The following AHNAK variants were observed in gnomAD, a reference collection of about 807,000 sequenced individuals.
AHNAK encodes neuroblast differentiation-associated protein AHNAK.
AHNAK carries 23 observed loss-of-function variants against 37.8 expected under a neutral mutation model. That is an observed-to-expected ratio of 0.61 (90% confidence interval 0.44 to 0.86). The LOEUF (loss-of-function observed/expected upper bound fraction) is 0.86, where lower values mean the gene tolerates loss of function less well. Among genes scored for constraint, AHNAK ranks in the 40% least tolerant of loss-of-function variants. AHNAK has a pLI of 0.00. For synonymous variants in AHNAK, 2,481 were observed against 2,636.3 expected, an observed-to-expected ratio of 0.94 and a Z score of 1.80; for missense variants, 7,411 against 7,319.4, an observed-to-expected ratio of 1.01 and a Z score of -0.46.
In AHNAK at chr11:62,529,586, G is replaced by T. The variant is rs1211107308; in HGVS notation, c.4831C>A (p.Pro1611Thr). 6.2e-7 allele frequency: 1 copy of T among 1,614,032 alleles called. No homozygotes were observed. The highest frequency in any genetic ancestry group is 1.7e-5 in the Admixed American group (1 of 59,994). Residue 1611 changes from proline (P) to threonine (T), a missense_variant, in exon 5 of 5, where the codon CCT (proline) becomes ACT (threonine). Transcript: ENST00000378024. ...LPKVEGDLKG[P>T]EIDVKAPKMD... The stretch of plus-strand genomic sequence containing the variant: ...TTAGGGGCTTTCACATCAATTTCAG[G>T]ACCCTTCAAGTCTCCTTCCACTTTG...
intron 4 of AHNAK, among the ~76,000 whole-genome samples, chr11:62,501,404 TA>T (rs898271551): frequency 2.7e-4 from 41 of 151,984 alleles, no homozygotes; most frequent in African/African-American, 9.4e-4. Flanking sequence ...CCATCTCTAC[TA>T]AAATACAAAA....
chr11:62,491,896 A>G (rs1939510694), intron 4 of AHNAK: 1 of 1,424,312 alleles, frequency 7.0e-7, no homozygotes, highest in Admixed American at 2.0e-5. Context: ...GCACTTTTCA[A>G]ATGCCTACTA....
At chr11:62,488,239 C>G (rs957710687) in intron 5 of AHNAK, among the ~76,000 whole-genome samples, 1 of 152,160 alleles carries the variant, frequency 6.6e-6, no homozygotes, top group African/African-American at 2.4e-5. Flanking sequence ...CCCTTGAAAT[C>G]CCGAGACATT....
At chr11:62,464,720 A>G (rs1186404644) in intron 5 of AHNAK, among the ~76,000 whole-genome samples, 1 of 151,806 alleles carries the variant, frequency 6.6e-6, no homozygotes, top group African/African-American at 2.4e-5. Context: ...AGTCCCAGCT[A>G]TTTGAGAGGC....
chr11:62,504,786 C>A (rs1939778851), intron 4 of AHNAK, among the ~76,000 whole-genome samples: 1 of 152,118 alleles, frequency 6.6e-6, no homozygotes, highest in Admixed American at 6.6e-5. Flanking sequence ...CTGCCCCCTG[C>A]AGCCCAGCAT....
In AHNAK at chr11:62,517,568, G is replaced by A. The variant is rs1469535807; in HGVS notation, c.16849C>T (p.Leu5617Phe). The change falls in exon 5 of 5, where the codon CTT (leucine) becomes TTT (phenylalanine). Residue 5617 changes from leucine to phenylalanine, a missense_variant. Leu to Phe is a conservative substitution (Grantham distance 22). Coordinates refer to ENST00000378024, the MANE Select transcript of AHNAK (RefSeq NM_001620.3). The part of the protein sequence containing the change: ...NLDTSKFAGG[L>F]HFSGPKVEGG... Reference sequence around the variant, plus strand: ...TCCACCTTTGGTCCTGAGAAATGAAGGCCCCCAGCAAACTTAGATGTGTCC... The same window carrying A: ...TCCACCTTTGGTCCTGAGAAATGAAAGCCCCCAGCAAACTTAGATGTGTCC... 3 of 1,614,022 alleles carry A rather than the reference G, an allele frequency of 1.9e-6. No homozygotes were observed. In the East Asian group the frequency reaches 6.7e-5, roughly 36 times the overall value.
At chr11:62,445,007 G>C (rs1938394739) in intron 5 of AHNAK, among the ~76,000 whole-genome samples, 1 of 152,176 alleles carries the variant, frequency 6.6e-6, no homozygotes, top group Non-Finnish European at 1.5e-5. Flanking sequence ...GACGTGCATG[G>C]AGCCCTCCTT....
At chr11:62,461,644 C>T (rs1938790945) in intron 5 of AHNAK, among the ~76,000 whole-genome samples, 1 of 151,964 alleles carries the variant, frequency 6.6e-6, no homozygotes, top group Non-Finnish European at 1.5e-5. Flanking sequence ...GGCCAGCATA[C>T]TGAAACCCCA....
rs532219306 is a variant in AHNAK at position 62,522,041 on chromosome 11, C to T, written c.12376G>A (p.Ala4126Thr). The change falls in exon 5 of 5, where the codon GCA becomes ACA. Residue 4126 changes from alanine (A) to threonine (T), a missense_variant. Coordinates refer to ENST00000378024, the MANE Select transcript of AHNAK (RefSeq NM_001620.3). ...ACTTCAGGCATAGAGATCTTCGGTGCCTTGAGGTGCAGGTCAGGCATTTTA... is the reference window on the plus strand; with the variant it reads ...ACTTCAGGCATAGAGATCTTCGGTGTCTTGAGGTGCAGGTCAGGCATTTTA... ...KFKMPDLHLK[A>T]PKISMPEVDL... 1.9e-6 allele frequency: 3 copies of T among 1,614,042 alleles called. No homozygotes were observed. Among genetic ancestry groups the T allele is most frequent in the East Asian group, 2.2e-5 (1 of 44,872 alleles).
intron 5 of AHNAK, among the ~76,000 whole-genome samples, chr11:62,457,187 G>A (rs935854826): frequency 1.3e-5 from 2 of 151,946 alleles, no homozygotes; most frequent in African/African-American, 2.4e-5. Flanking sequence ...TGCCGGGCAC[G>A]GTGTAATCCC....
At position 62,529,728 on chromosome 11, in the gene AHNAK, T is replaced by G; in HGVS notation, c.4689A>C (p.Lys1563Asn). The G allele has an allele frequency of 6.2e-7, 1 of 1,614,070 alleles. No individual in the cohort carries two copies. The highest frequency in any genetic ancestry group is 1.3e-5 in the African/African-American group (1 of 75,038). The change falls in exon 5 of 5, where the codon AAA becomes AAC. Residue 1563 changes from lysine (K) to asparagine (N), a missense_variant. Physicochemically the swap from Lys to Asn is moderately conservative, Grantham distance 94. Transcript: ENST00000378024. The stretch of plus-strand genomic sequence containing the variant: ...TGCTTGGCATCTTGAACTTAGGGCC[T>G]TTTAGTTTCCCCTCTGGAGCTTCAA... ...VNLEAPEGKL[K>N]GPKFKMPSMN...
chr11:62,504,047 G>A (rs1040084920), intron 4 of AHNAK, among the ~76,000 whole-genome samples: 3 of 152,008 alleles, frequency 2.0e-5, no homozygotes, highest in Admixed American at 6.6e-5. Context: ...TGTAATCCCA[G>A]CTACTAGGGA....
rs583207 is a variant in AHNAK at position 62,525,177 on chromosome 11, T to C, written c.9240A>G (p.Lys3080=). 187 of 1,598,898 alleles carry C rather than the reference T, an allele frequency of 1.2e-4. No individual in the cohort carries two copies. The highest frequency in any genetic ancestry group is 3.1e-4 in the African/African-American group (22 of 70,128). The part of the protein sequence containing the change: ...PEGKLKGPKF[K]MPEMNIKAPK... The stretch of plus-strand genomic sequence containing the variant: ...GGGCTTTGATGTTCATCTCAGGCAT[T>C]TTGAATTTGGGACCTTTCAACTTTC... Residue 3080 remains lysine, a synonymous_variant, in exon 5 of 5, where the codon AAA becomes AAG. Transcript: ENST00000378024.
chr11:62,501,293 G>C (rs1032405672), intron 4 of AHNAK, among the ~76,000 whole-genome samples: 1 of 152,186 alleles, frequency 6.6e-6, no homozygotes, highest in Non-Finnish European at 1.5e-5. Context: ...TGCCTGCCAG[G>C]CACGGTGGCT....
chr11:62,499,872 A>G (rs963718057), intron 4 of AHNAK, among the ~76,000 whole-genome samples: 1 of 152,240 alleles, frequency 6.6e-6, no homozygotes, highest in African/African-American at 2.4e-5. Context: ...GGGAGATCAC[A>G]TCTCCCTTCA....
chr11:62,510,004 GTC>G (rs1185962898), intron 4 of AHNAK, among the ~76,000 whole-genome samples: 1 of 152,168 alleles, frequency 6.6e-6, no homozygotes, highest in African/African-American at 2.4e-5. Flanking sequence ...TAGATAATAT[GTC>G]AATGTTTTGT....
chr11:62,450,335 T>TTTG lies in AHNAK; in HGVS notation c.443-16447_443-16445dup, dbSNP rs564924222. ...ACCACGCCCGGCTATTTTTTTTGTA[T>TTTG]TTGTTGTTGTTGTTGTTGTTTATTT... On this transcript the variant is annotated intron_variant, in intron 5 of 5. Coordinates refer to the AHNAK transcript ENST00000257247. Among the ~76,000 whole-genome samples the TTTG allele has an allele frequency of 3.2e-4, 48 of 151,490 alleles. No homozygotes were observed. In the East Asian group the frequency reaches 4.5e-3, roughly 14 times the overall value.
chr11:62,467,394 C>G (rs1938934242), intron 5 of AHNAK, among the ~76,000 whole-genome samples: 1 of 152,124 alleles, frequency 6.6e-6, no homozygotes, highest in Non-Finnish European at 1.5e-5. Context: ...TTCCAAAAAT[C>G]CCTCTTGAGG....
At chr11:62,507,144 C>T (rs899510657) in intron 4 of AHNAK, among the ~76,000 whole-genome samples, 1 of 152,032 alleles carries the variant, frequency 6.6e-6, no homozygotes, top group African/African-American at 2.4e-5. Context: ...CTTCCTGGTA[C>T]CAGAGCAAGC....
Sources: allele counts gnomAD v4.1 joint callset (sites outside exome capture counted in the v4.1 genomes callset), GRCh38; gene constraint gnomAD v4.1.1; transcripts MANE v1.5; gene names NCBI Gene and HGNC (gene_info 2026-07-23, HGNC 2026-07-21).